The following RFX3 variants were observed in gnomAD, a reference collection of about 807,000 sequenced individuals.
The protein encoded by RFX3 is transcription factor RFX3.
Under a neutral mutation model 98.6 loss-of-function variants are expected in RFX3, and 14 were observed. The ratio of observed to expected loss-of-function variants is 0.14; its 90% CI spans 0.09 to 0.22. The LOEUF (loss-of-function observed/expected upper bound fraction) is 0.22, where lower values mean the gene tolerates loss of function less well. Among genes scored for constraint, RFX3 ranks in the 10% least tolerant of loss-of-function variants. The pLI is 1.00. For missense variants in RFX3, 639 were observed against 926.9 expected, an observed-to-expected ratio of 0.69 and a Z score of 4.03; for synonymous variants, 383 against 328.4, an observed-to-expected ratio of 1.17 and a Z score of -1.80.
chr9:3,402,478 G>A (rs765810639), intron 1 of RFX3, among the ~76,000 whole-genome samples: 7 of 151,818 alleles, frequency 4.6e-5, no homozygotes, highest in Non-Finnish European at 1.0e-4. Context: ...AAAAATAAAC[G>A]ACATCTAAAA....
At chr9:3,450,171 A>G (rs1182345853) in intron 1 of RFX3, among the ~76,000 whole-genome samples, 2 of 152,218 alleles carry the variant, frequency 1.3e-5, no homozygotes, top group African/African-American at 4.8e-5. Flanking sequence ...GTTCATCAGT[A>G]CTACTAAGGT....
At chr9:3,353,296 A>G (rs2131276485) in intron 2 of RFX3, among the ~76,000 whole-genome samples, 1 of 152,092 alleles carries the variant, frequency 6.6e-6, no homozygotes, top group Non-Finnish European at 1.5e-5. Flanking sequence ...ATGTATACAT[A>G]TGTAACTAAC....
At chr9:3,403,007 T>TG (rs1841619158) in intron 1 of RFX3, among the ~76,000 whole-genome samples, 2 of 152,016 alleles carry the variant, frequency 1.3e-5, no homozygotes, top group Non-Finnish European at 2.9e-5. Context: ...CATATATATG[T>TG]TACACATATA....
intron 2 of RFX3, among the ~76,000 whole-genome samples, chr9:3,367,997 G>C (rs1475944418): frequency 6.6e-6 from 1 of 152,172 alleles, no homozygotes; most frequent in Admixed American, 6.5e-5. Flanking sequence ...CAGTATTTTA[G>C]CTACATACAT....
intron 2 of RFX3, among the ~76,000 whole-genome samples, chr9:3,368,600 G>C (rs537964728): frequency 1.4e-4 from 22 of 152,096 alleles, no homozygotes; most frequent in Non-Finnish European, 2.5e-4. Context: ...GATTTTCTTT[G>C]ACATCTCCGT....
At chr9:3,415,799 C>G (rs1020879248) in intron 1 of RFX3, among the ~76,000 whole-genome samples, 2 of 152,116 alleles carry the variant, frequency 1.3e-5, no homozygotes, top group Non-Finnish European at 2.9e-5. Flanking sequence ...CAATGAGACC[C>G]AAGATTATAT....
At chr9:3,427,279 T>C (rs890187073) in intron 1 of RFX3, among the ~76,000 whole-genome samples, 13 of 143,352 alleles carry the variant, frequency 9.1e-5, no homozygotes, top group African/African-American at 3.3e-4. Flanking sequence ...TATTTTATTA[T>C]ATAATACTAT....
chr9:3,293,817 G>C (rs1171635669), intron 5 of RFX3, among the ~76,000 whole-genome samples: 1 of 151,950 alleles, frequency 6.6e-6, no homozygotes, highest in East Asian at 1.9e-4. Flanking sequence ...AAGCAGAAAA[G>C]ACAAAATTCA....
intron 1 of RFX3, among the ~76,000 whole-genome samples, chr9:3,464,475 G>A (rs1032454645): frequency 6.6e-6 from 1 of 152,150 alleles, no homozygotes; most frequent in Non-Finnish European, 1.5e-5. Flanking sequence ...ACAAACTGCT[G>A]ATACATATAC....
At chr9:3,258,230 G>A (rs2131136505) in intron 13 of RFX3, among the ~76,000 whole-genome samples, 1 of 152,190 alleles carries the variant, frequency 6.6e-6, no homozygotes, top group East Asian at 1.9e-4. Context: ...AGATAATTTT[G>A]TCAAGATAGA....
chr9:3,246,751 G>C (rs1422287286), intron 15 of RFX3, among the ~76,000 whole-genome samples: 1 of 152,156 alleles, frequency 6.6e-6, no homozygotes, highest in Non-Finnish European at 1.5e-5. Context: ...GGTCACATGA[G>C]GTCCTGCTTA....
intron 4 of RFX3, among the ~76,000 whole-genome samples, chr9:3,312,786 T>C (rs148926398): frequency 0.014 from 2,128 of 152,288 alleles, 48 homozygotes; most frequent in African/African-American, 0.049. Context: ...CAGTCTGAGA[T>C]TGAACTGCAA....
At chr9:3,504,815 A>G (rs1424096796) in intron 1 of RFX3, among the ~76,000 whole-genome samples, 2 of 100,064 alleles carry the variant, frequency 2.0e-5, no homozygotes, top group Non-Finnish European at 3.5e-5. Flanking sequence ...TATAAAATAT[A>G]TATTATATAT....
chr9:3,328,244 A>G (rs759480200), intron 4 of RFX3, among the ~76,000 whole-genome samples: 2 of 152,152 alleles, frequency 1.3e-5, no homozygotes, highest in African/African-American at 2.4e-5. Context: ...TAGGTGGCCT[A>G]TAGGAGGAGT....
intron 7 of RFX3, among the ~76,000 whole-genome samples, chr9:3,282,233 T>C (rs769813488): frequency 2.6e-5 from 4 of 151,774 alleles, no homozygotes; most frequent in African/African-American, 4.8e-5. Flanking sequence ...ATAGTAAATA[T>C]GAAGAGTTCC....
intron 3 of RFX3, among the ~76,000 whole-genome samples, chr9:3,339,125 G>A (rs964435829): frequency 1.3e-5 from 2 of 151,350 alleles, no homozygotes; most frequent in African/African-American, 4.9e-5. Context: ...GCCTACTTGA[G>A]TTTAAAAAAA....
chr9:3,346,887 A>G (rs1834494626), intron 2 of RFX3, 123 bp from the exon 3 acceptor site: 1 of 667,992 alleles, frequency 1.5e-6, no homozygotes, highest in African/African-American at 1.8e-5. Context: ...TGATAAGAAA[A>G]ACTATTAGAT....
intron 1 of RFX3, among the ~76,000 whole-genome samples, chr9:3,473,375 A>C (rs549670126): frequency 2.8e-4 from 42 of 152,330 alleles, no homozygotes; most frequent in African/African-American, 9.9e-4. Flanking sequence ...GAGATCTGAA[A>C]ATCACTAAAA....
intron 2 of RFX3, among the ~76,000 whole-genome samples, chr9:3,364,029 C>T (rs1359996154): frequency 6.6e-6 from 1 of 152,142 alleles, no homozygotes; most frequent in East Asian, 1.9e-4. Flanking sequence ...GTGTGTGCTG[C>T]CATGCCCAAT....
Sources: gnomAD v4.1 joint callset for allele counts (sites outside exome capture counted in the v4.1 genomes callset) on GRCh38, gnomAD v4.1.1 for gene constraint, MANE v1.5 for transcripts, NCBI Gene and HGNC (gene_info 2026-07-23, HGNC 2026-07-21) for gene names.